The following HMGB1 variants were observed in gnomAD, a reference collection of about 807,000 sequenced individuals.
HMGB1 encodes high mobility group box 1.
For synonymous variants in HMGB1, 81 were observed against 84.0 expected (o/e 0.96, Z 0.19); for missense variants, 79 against 253.5 (o/e 0.31, Z 4.67).
chr13:30,537,629 G>A (rs1868499812), intron 1 of HMGB1, among the ~76,000 whole-genome samples: 1 of 135,750 alleles, frequency 7.4e-6, no homozygotes, highest in South Asian at 2.4e-4. Flanking sequence ...GCTGCATGTG[G>A]TGGCAATTCA....
At chr13:30,470,537 A>G (rs1368814401), upstream of HMGB1, among the ~76,000 whole-genome samples, 1 of 152,254 alleles carries the variant, frequency 6.6e-6, no homozygotes, top group African/African-American at 2.4e-5. Flanking sequence ...CAATTAGGCC[A>G]AGATTATTCC....
chr13:30,557,241 G>C (rs1288478633), intron 1 of HMGB1, among the ~76,000 whole-genome samples: 1 of 151,964 alleles, frequency 6.6e-6, no homozygotes, highest in Non-Finnish European at 1.5e-5. Context: ...TTTTTTAAGG[G>C]TATCTTTTTC....
intron 1 of HMGB1, among the ~76,000 whole-genome samples, chr13:30,531,605 G>A (rs1888498047): frequency 1.3e-5 from 2 of 150,528 alleles, no homozygotes; most frequent in Admixed American, 6.7e-5. Flanking sequence ...CATGCTCATT[G>A]TAAAATATTT....
At chr13:30,613,013 T>A (rs1336769583) in intron 1 of HMGB1, among the ~76,000 whole-genome samples, 2 of 152,102 alleles carry the variant, frequency 1.3e-5, no homozygotes, top group East Asian at 3.8e-4. Context: ...AGGATGTAGG[T>A]TTTAGTACCA....
upstream of HMGB1, among the ~76,000 whole-genome samples, chr13:30,468,436 T>G (rs1359725605): frequency 1.3e-5 from 2 of 152,150 alleles, no homozygotes; most frequent in East Asian, 3.9e-4. Context: ...TTATTTTTAG[T>G]AGAGACGGGG....
At chr13:30,493,022 A>T (rs1365880513) in intron 1 of HMGB1, among the ~76,000 whole-genome samples, 1 of 148,988 alleles carries the variant, frequency 6.7e-6, no homozygotes, top group African/African-American at 2.4e-5. Context: ...AAAAAAAGTT[A>T]AACATACACC....
At chr13:30,548,612 G>T (rs1381504291) in intron 1 of HMGB1, among the ~76,000 whole-genome samples, 1 of 152,144 alleles carries the variant, frequency 6.6e-6, no homozygotes, top group Non-Finnish European at 1.5e-5. Context: ...AGAGTATGCG[G>T]TTTGCAAAAT....
At chr13:30,562,608 T>C (rs1870010682) in intron 1 of HMGB1, among the ~76,000 whole-genome samples, 2 of 152,288 alleles carry the variant, frequency 1.3e-5, no homozygotes, top group Middle Eastern at 3.4e-3. Context: ...AATAGAAGTA[T>C]AAATTATCCA....
chr13:30,602,383 C>T (rs1950412224), intron 1 of HMGB1, among the ~76,000 whole-genome samples: 1 of 152,222 alleles, frequency 6.6e-6, no homozygotes, highest in African/African-American at 2.4e-5. Flanking sequence ...CCTACCAGAT[C>T]ATGACAAATA....
chr13:30,509,246 C>CTTTTTTTTTTTT (rs577983392), intron 1 of HMGB1, among the ~76,000 whole-genome samples: 4,704 of 142,642 alleles, frequency 0.033, 132 homozygotes, highest in Middle Eastern at 0.1. Context: ...CACCAATATT[C>CTTTTTTTTTTTT]TTTTTTTTTT....
At chr13:30,569,797 A>G (rs1870350757) in intron 1 of HMGB1, among the ~76,000 whole-genome samples, 1 of 152,204 alleles carries the variant, frequency 6.6e-6, no homozygotes, top group African/African-American at 2.4e-5. Flanking sequence ...GGAAGATTAG[A>G]TAAAAAATGT....
chr13:30,473,005 G>T (rs1886982247), intron 1 of HMGB1, among the ~76,000 whole-genome samples: 1 of 152,050 alleles, frequency 6.6e-6, no homozygotes, highest in Non-Finnish European at 1.5e-5. Context: ...AGTCACCGAG[G>T]TCTATGCTCA....
At chr13:30,608,877 T>C (rs1393911934) in intron 1 of HMGB1, among the ~76,000 whole-genome samples, 1 of 152,190 alleles carries the variant, frequency 6.6e-6, no homozygotes, top group Non-Finnish European at 1.5e-5. Context: ...ACCTCTAAAC[T>C]AAGTTTAATT....
At chr13:30,500,925 G>A (rs555153462) in intron 1 of HMGB1, among the ~76,000 whole-genome samples, 1 of 151,904 alleles carries the variant, frequency 6.6e-6, no homozygotes, top group Non-Finnish European at 1.5e-5. Flanking sequence ...TTCTTGCCTT[G>A]GCCTCCCAAA....
At chr13:30,532,199 G>A (rs1274839675) in intron 1 of HMGB1, among the ~76,000 whole-genome samples, 1 of 151,770 alleles carries the variant, frequency 6.6e-6, no homozygotes, top group Non-Finnish European at 1.5e-5. Flanking sequence ...AGCCGGCATG[G>A]TGGTGTGCAC....
At chr13:30,537,909 CCTT>C (rs1273282776) in intron 1 of HMGB1, among the ~76,000 whole-genome samples, 3 of 151,636 alleles carry the variant, frequency 2.0e-5, no homozygotes, top group African/African-American at 7.3e-5. Context: ...GTGATTTCTC[CCTT>C]CTTCTCTTTT....
chr13:30,548,628 T>C (rs1593305196), intron 1 of HMGB1, among the ~76,000 whole-genome samples: 1 of 152,356 alleles, frequency 6.6e-6, no homozygotes, highest in South Asian at 2.1e-4. Flanking sequence ...AAAATTCTTA[T>C]GATGGGAGCC....
chr13:30,585,377 T>A (rs1871099382), intron 1 of HMGB1, among the ~76,000 whole-genome samples: 1 of 151,944 alleles, frequency 6.6e-6, no homozygotes, highest in Admixed American at 6.6e-5. Flanking sequence ...ATTGCTGAAA[T>A]GTTAAATCCA....
chr13:30,473,488 A>G (rs1476255416), intron 1 of HMGB1, among the ~76,000 whole-genome samples: 1 of 152,196 alleles, frequency 6.6e-6, no homozygotes, highest in Non-Finnish European at 1.5e-5. Context: ...CTTGATCTCA[A>G]TAATCACATC....
Sources: gnomAD v4.1 joint callset for allele counts (sites outside exome capture counted in the v4.1 genomes callset) on GRCh38, gnomAD v4.1.1 for gene constraint, MANE v1.5 for transcripts, NCBI Gene and HGNC (gene_info 2026-07-23, HGNC 2026-07-21) for gene names.